Variants in CAV1 observed in about 807,000 individuals in gnomAD.
CAV1 encodes caveolin-1.
A neutral mutation model predicts 16.5 loss-of-function variants in CAV1; 10 were observed. The ratio of observed to expected loss-of-function variants is 0.61; its 90% CI spans 0.37 to 1.03. The LOEUF (loss-of-function observed/expected upper bound fraction) is 1.03. CAV1 is among the 50% of genes least tolerant of loss of function. The pLI, the probability that CAV1 is intolerant of heterozygous loss-of-function variation, is 0.01. For missense variants in CAV1, 212 were observed against 232.8 expected, an observed-to-expected ratio of 0.91 and a Z score of 0.58; for synonymous variants, 76 against 85.1, an observed-to-expected ratio of 0.89 and a Z score of 0.59.
intron 2 of CAV1, among the ~76,000 whole-genome samples, chr7:116,532,772 A>G (rs1450415567): frequency 1.3e-5 from 2 of 152,228 alleles, no homozygotes; most frequent in East Asian, 3.8e-4. Flanking sequence ...TAAAACTTGA[A>G]TGTGGTGATT....
In CAV1 at chr7:116,559,670, G is replaced by T; in HGVS notation, c.*383G>T. 1.9e-6 allele frequency: 1 copy of T among 524,574 alleles called. No homozygotes were observed. The highest frequency in any genetic ancestry group is 3.3e-6 in the Non-Finnish European group (1 of 303,176). 32.5% of individuals were successfully genotyped at this position (524,574 alleles called of 1,614,324 possible). A position where few individuals can be genotyped will look rare whatever the true frequency, so the allele number is the denominator to read the frequency against. On this transcript the variant is annotated 3_prime_UTR_variant, in exon 3 of 3. Coordinates refer to ENST00000341049, the MANE Select transcript of CAV1 (RefSeq NM_001753.5). ...CTCAACTGCCTACTCCAAAATGTTGGTCATTTTATGTTAAGGGAAGAATTC... is the reference window on the plus strand; with the variant it reads ...CTCAACTGCCTACTCCAAAATGTTGTTCATTTTATGTTAAGGGAAGAATTC...
In CAV1 at chr7:116,559,995, T is replaced by C. The variant is rs1794373590; in HGVS notation, c.*708T>C. On this transcript the variant is annotated 3_prime_UTR_variant, in exon 3 of 3. Transcript: ENST00000341049. ...TTCAAATAGGGTCTAACTCAGCAAC[T>C]CGCTTTAGGTCAGCAGCCTCCCTGA... 1 of 396,662 alleles carries C rather than the reference T, an allele frequency of 2.5e-6. No homozygotes were observed. Among genetic ancestry groups the C allele is most frequent in the Non-Finnish European group, 4.4e-6 (1 of 225,170 alleles). The allele number at this position is 396,662 out of a possible 1,614,324, so 24.6% of individuals were successfully genotyped here.
chr7:116,526,258 C>A, intron 1 of CAV1: 4 of 1,238,940 alleles, frequency 3.2e-6, no homozygotes, highest in Non-Finnish European at 4.1e-6. Context: ...TGCCCTGACC[C>A]CTGGCGGCGG....
chr7:116,558,826 A>C, intron 2 of CAV1, 120 bp from the exon 3 acceptor site: 1 of 743,774 alleles, frequency 1.3e-6, no homozygotes. Flanking sequence ...GCCTTTAAGC[A>C]TCTCACAAAG....
intron 1 of CAV1, 136 bp downstream of exon 1, chr7:116,525,228 C>G: frequency 6.2e-7 from 1 of 1,611,724 alleles, no homozygotes; most frequent in Non-Finnish European, 8.5e-7. Context: ...GGCGTTGGCA[C>G]CGCTGAGGAA....
At chr7:116,528,038 A>G (rs1006027872) in intron 2 of CAV1, among the ~76,000 whole-genome samples, 4 of 152,124 alleles carry the variant, frequency 2.6e-5, no homozygotes, top group African/African-American at 9.7e-5. Context: ...ACTATTTACT[A>G]AAAACATTAC....
At position 116,525,755 on chromosome 7, in the gene CAV1, C is replaced by A. The variant is rs1010036279; in HGVS notation, c.30+663C>A. The A allele has an allele frequency of 5.1e-5, 54 of 1,053,018 alleles. No individual in the cohort carries two copies. In the African/African-American group the frequency reaches 8.6e-4, roughly 17 times the overall value. 65.2% of individuals were successfully genotyped at this position (1,053,018 alleles called of 1,614,324 possible). A position where few individuals can be genotyped will look rare whatever the true frequency, so the allele number is the denominator to read the frequency against. On this transcript the variant is annotated intron_variant, in intron 1 of 2. Transcript: ENST00000341049. ...CCAACACGTAGCTGCCCTTCAGCCA[C>A]CCGCCCGCAGCCTGGGAGTGCCCTG...
chr7:116,526,537 A>G lies in CAV1; in HGVS notation c.43A>G (p.Thr15Ala), dbSNP rs760934779. ...KYVDSEGHLY[T>A]VPIREQGNIY... The stretch of plus-strand genomic sequence containing the variant: ...CCGCCCTCTGCAGGGACATCTCTAC[A>G]CCGTTCCCATCCGGGAACAGGGCAA... Residue 15 changes from threonine (T) to alanine (A), a missense_variant, in exon 2 of 3, where the codon ACC (threonine) becomes GCC (alanine). Physicochemically the swap from Thr to Ala is moderately conservative, Grantham distance 58. Transcript: ENST00000341049. 8.1e-6 allele frequency: 13 copies of G among 1,613,576 alleles called. No homozygotes were observed. Among genetic ancestry groups the G allele is most frequent in the Non-Finnish European group, 1.1e-5 (13 of 1,179,936 alleles).
chr7:116,548,397 G>C (rs1794095687), intron 2 of CAV1, among the ~76,000 whole-genome samples: 1 of 152,230 alleles, frequency 6.6e-6, no homozygotes, highest in South Asian at 2.1e-4. Flanking sequence ...GGCCAGAAGA[G>C]AGTTAGGTTG....
At position 116,559,672 on chromosome 7, in the gene CAV1, C is replaced by A. The variant is rs1794366594; in HGVS notation, c.*385C>A. 5.7e-6 allele frequency: 3 copies of A among 524,868 alleles called. No homozygotes were observed. The highest frequency in any genetic ancestry group is 9.9e-6 in the Non-Finnish European group (3 of 303,778). 32.5% of individuals were successfully genotyped at this position (524,868 alleles called of 1,614,324 possible). ...CAACTGCCTACTCCAAAATGTTGGT[C>A]ATTTTATGTTAAGGGAAGAATTCCA... On this transcript the variant is annotated 3_prime_UTR_variant, in exon 3 of 3. Coordinates refer to ENST00000341049, the MANE Select transcript of CAV1 (RefSeq NM_001753.5).
chr7:116,550,773 TA>T (rs1445031313), intron 2 of CAV1, among the ~76,000 whole-genome samples: 1 of 152,100 alleles, frequency 6.6e-6, no homozygotes. Context: ...AATCTTTTTT[TA>T]AAAAAAGCGT....
rs1428520444 is a variant in CAV1 at position 116,559,748 on chromosome 7, T to C, written c.*461T>C. The C allele has an allele frequency of 9.2e-6, 4 of 434,370 alleles. No homozygotes were observed. The East Asian group carries it at 1.4e-4, about 15-fold the overall frequency. 26.9% of individuals were successfully genotyped at this position (434,370 alleles called of 1,614,324 possible). A position where few individuals can be genotyped will look rare whatever the true frequency, so the allele number is the denominator to read the frequency against. On this transcript the variant is annotated 3_prime_UTR_variant, in exon 3 of 3. Transcript: ENST00000341049. ...ATGTGGGCAGATTTTCAGCAAACTC[T>C]TTTCCCACTGTTTAAGGAGTTAGTG...
chr7:116,530,542 G>C (rs1793668026), intron 2 of CAV1, among the ~76,000 whole-genome samples: 1 of 152,160 alleles, frequency 6.6e-6, no homozygotes, highest in African/African-American at 2.4e-5. Context: ...ATGTATTGCA[G>C]CTGGTTTAAT....
intron 1 of CAV1, chr7:116,525,339 G>A: frequency 6.5e-7 from 1 of 1,546,466 alleles, no homozygotes; most frequent in Non-Finnish European, 8.7e-7. Flanking sequence ...CACGGAAAAG[G>A]GGATTGGGGT....
intron 2 of CAV1, among the ~76,000 whole-genome samples, chr7:116,533,953 T>C (rs1477766483): frequency 6.6e-6 from 1 of 152,088 alleles, no homozygotes; most frequent in Non-Finnish European, 1.5e-5. Context: ...CAACTTCTAA[T>C]CCTCCTATTG....
chr7:116,560,897 A>G lies in CAV1; in HGVS notation c.*1610A>G, dbSNP rs1794396926. 1 of 152,646 alleles carries G rather than the reference A, an allele frequency of 6.6e-6. No individual in the cohort carries two copies. The highest frequency in any genetic ancestry group is 6.6e-5 in the Admixed American group (1 of 15,260). The allele number at this position is 152,646 out of a possible 1,614,324, so 9.5% of individuals were successfully genotyped here. Reference sequence around the variant, plus strand: ...ATATAGTTTTACTTTTAAACTGTGTACATAACTGAAAATGTGCTATACTGC... The same window carrying G: ...ATATAGTTTTACTTTTAAACTGTGTGCATAACTGAAAATGTGCTATACTGC... On this transcript the variant is annotated 3_prime_UTR_variant, in exon 3 of 3. Transcript: ENST00000341049.
rs1793957438 is a variant in CAV1, at chr7:116,542,314, G to C, written c.195+15625G>C. 2.6e-5 allele frequency among the ~76,000 whole-genome samples: 4 copies of C among 152,162 alleles called. No individual in the cohort carries two copies. The South Asian group carries it at 8.3e-4, about 32-fold the overall frequency. On this transcript the variant is annotated intron_variant, in intron 2 of 2. Transcript: ENST00000341049. ...AGACCAGTGGTTCTTCACCCTGGCT[G>C]CAAATCATCTGGGGAACATTTAAAA...
At position 116,525,103 on chromosome 7, in the gene CAV1, G is replaced by C. The variant is rs753884781; in HGVS notation, c.30+11G>C. On this transcript the variant is annotated intron_variant, in intron 1 of 2. Transcript: ENST00000341049. ...TACGTAGACTCGGAGGTAGGCATCC[G>C]TGGGGGGGCGCCGGCTCGGGCGTGC... The C allele has an allele frequency of 1.9e-6, 3 of 1,613,858 alleles. No individual in the cohort carries two copies. Among genetic ancestry groups the C allele is most frequent in the Non-Finnish European group, 2.5e-6 (3 of 1,180,030 alleles).
intron 1 of CAV1, 59 bp downstream of exon 1, chr7:116,525,151 C>G (rs751846720): frequency 3.7e-6 from 6 of 1,614,060 alleles, no homozygotes; most frequent in Admixed American, 1.7e-5. Context: ...CTTCTGCTAT[C>G]TGCCTCTCCA....
Sources: allele counts gnomAD v4.1 joint callset (sites outside exome capture counted in the v4.1 genomes callset), GRCh38; gene constraint gnomAD v4.1.1; transcripts MANE v1.5; gene names NCBI Gene and HGNC (gene_info 2026-07-23, HGNC 2026-07-21).